Variants in AKR1C2 observed in about 807,000 individuals in gnomAD.
AKR1C2 encodes 3-alpha-HSD3.
AKR1C2 carries 27 observed loss-of-function variants against 39.8 expected under a neutral mutation model. The observed-to-expected ratio is 0.68, with a 90% CI of 0.50 to 0.93. AKR1C2 has a LOEUF of 0.93. Among genes scored for constraint, AKR1C2 ranks in the 40% least tolerant of loss-of-function variants. AKR1C2 has a pLI of 0.00. For synonymous variants in AKR1C2, 114 were observed against 137.9 expected (o/e 0.83, Z 1.22); for missense variants, 263 against 365.1 (o/e 0.72, Z 2.28).
intron 1 of AKR1C2, among the ~76,000 whole-genome samples, chr10:5,012,933 G>A (rs1837553034): frequency 6.6e-6 from 1 of 151,988 alleles, no homozygotes; most frequent in Non-Finnish European, 1.5e-5. Flanking sequence ...CTTCTCAATT[G>A]TCTGGTGTAT....
chr10:5,001,405 A>T (rs112758195), intron 2 of AKR1C2, 109 bp downstream of exon 2: 90 of 1,515,012 alleles, frequency 5.9e-5, no homozygotes, highest in Admixed American at 3.4e-4. Flanking sequence ...GAATAAATCG[A>T]AATAAATAAG....
rs1836723882 is a variant in AKR1C2 at position 4,988,176 on chromosome 10, ACACACTTG to A, written c.*1812_*1819del. On this transcript the variant is annotated 3_prime_UTR_variant, in exon 9 of 9. Coordinates refer to ENST00000380753, the MANE Select transcript of AKR1C2 (RefSeq NM_001393392.1). ...AAATATGAAAGTCTGCTTAAGCGTT[ACACACTTG>A]GCTACGAAGTTTTAACAAAATGTCA... The A allele has an allele frequency of 6.6e-6, 1 of 152,092 alleles. No individual in the cohort carries two copies. Among genetic ancestry groups the A allele is most frequent in the Non-Finnish European group, 1.5e-5 (1 of 68,008 alleles). The allele number at this position is 152,092 out of a possible 1,614,324, so 9.4% of individuals were successfully genotyped here.
rs1305495234 is a variant in AKR1C2 at position 4,988,569 on chromosome 10, G to T, written c.*1427C>A. On this transcript the variant is annotated 3_prime_UTR_variant, in exon 9 of 9. Transcript: ENST00000380753. ...GTTTATGGCCTCTTCCAATTTTATA[G>T]AATAAGTAATTTACAGAAAAATTGT... 2 of 152,150 alleles carry T rather than the reference G, an allele frequency of 1.3e-5. No homozygotes were observed. Among genetic ancestry groups the T allele is most frequent in the Admixed American group, 6.5e-5 (1 of 15,280 alleles). 9.4% of individuals were successfully genotyped at this position (152,150 alleles called of 1,614,324 possible).
chr10:5,005,401 G>A (rs2131713746), upstream of AKR1C2, among the ~76,000 whole-genome samples: 1 of 152,202 alleles, frequency 6.6e-6, no homozygotes, highest in East Asian at 1.9e-4. Flanking sequence ...AAGGCATACA[G>A]GCCAGGCACG....
At chr10:5,003,862 G>A (rs782788059), upstream of AKR1C2, 22 of 1,613,192 alleles carry the variant, frequency 1.4e-5, no homozygotes, top group Middle Eastern at 1.7e-4. Context: ...GTTAGCAAAT[G>A]TTTCTTCCTC....
chr10:5,001,784 G>A, intron 1 of AKR1C2, 103 bp from the exon 2 acceptor site: 3 of 1,455,872 alleles, frequency 2.1e-6, no homozygotes, highest in Non-Finnish European at 2.9e-6. Context: ...CTCCTTTCTT[G>A]GATGAGCTCT....
intron 2 of AKR1C2, among the ~76,000 whole-genome samples, chr10:5,001,012 C>A (rs1310496523): frequency 6.6e-6 from 1 of 152,190 alleles, no homozygotes; most frequent in Non-Finnish European, 1.5e-5. Flanking sequence ...ATGGGCAAGA[C>A]TAAGTATCTT....
At chr10:5,000,741 T>C (rs1837241760) in intron 2 of AKR1C2, 75 bp from the exon 3 acceptor site, 1 of 1,386,526 alleles carries the variant, frequency 7.2e-7, no homozygotes, top group African/African-American at 1.4e-5. Context: ...ACCTAATATT[T>C]AGACATTTTC....
chr10:5,001,639 C>G lies in AKR1C2; in HGVS notation c.127G>C (p.Glu43Gln). Reference sequence around the variant, plus strand: ...GAATCAATATGGTGGAACCCGGCTTCTATTGCCAATTTGACGGCCTCTAGA... The same window carrying G: ...GAATCAATATGGTGGAACCCGGCTTGTATTGCCAATTTGACGGCCTCTAGA... The part of the protein sequence containing the change: ...KALEAVKLAI[E>Q]AGFHHIDSAH... The change falls in exon 2 of 9, where the codon GAA (glutamate) becomes CAA (glutamine). Residue 43 changes from glutamate (E) to glutamine (Q), a missense_variant. Transcript: ENST00000380753. 1.2e-6 allele frequency: 2 copies of G among 1,613,972 alleles called. No individual in the cohort carries two copies. Among genetic ancestry groups the G allele is most frequent in the Non-Finnish European group, 1.7e-6 (2 of 1,179,842 alleles).
intron 1 of AKR1C2, among the ~76,000 whole-genome samples, chr10:5,009,561 AT>A (rs1837476860): frequency 6.6e-6 from 1 of 151,860 alleles, no homozygotes; most frequent in African/African-American, 2.4e-5. Context: ...ACTCCATGTG[AT>A]ATGGACAGGA....
intron 7 of AKR1C2, among the ~76,000 whole-genome samples, chr10:4,993,174 A>G (rs1215861418): frequency 1.3e-5 from 2 of 152,228 alleles, no homozygotes; most frequent in Non-Finnish European, 2.9e-5. Flanking sequence ...ATGATTCAAA[A>G]TTTTAAATAA....
In AKR1C2 at chr10:5,001,652, G is replaced by A; in HGVS notation, c.114C>T (p.Val38=). 1.9e-6 allele frequency: 3 copies of A among 1,613,912 alleles called. No individual in the cohort carries two copies. The highest frequency in any genetic ancestry group is 1.1e-5 in the South Asian group (1 of 91,062). Residue 38 remains valine, a synonymous_variant, in exon 2 of 9, where the codon GTC becomes GTT. Coordinates refer to ENST00000380753, the MANE Select transcript of AKR1C2 (RefSeq NM_001393392.1). ...EVPKSKALEA[V]KLAIEAGFHH... ...GGAACCCGGCTTCTATTGCCAATTT[G>A]ACGGCCTCTAGAGCTTTACTTTTAG...
chr10:4,992,890 C>T (rs1836889090), intron 7 of AKR1C2, among the ~76,000 whole-genome samples: 1 of 152,044 alleles, frequency 6.6e-6, no homozygotes, highest in African/African-American at 2.4e-5. Context: ...GTGGAGGTTG[C>T]AGTGAGCCGA....
intron 2 of AKR1C2, 31 bp from the exon 3 acceptor site, chr10:5,000,697 A>T: frequency 6.3e-7 from 1 of 1,593,566 alleles, no homozygotes; most frequent in Non-Finnish European, 8.5e-7. Context: ...AAGTTGTGTA[A>T]TGAAAACTTG....
At chr10:5,016,548 T>C (rs1397184221) in intron 1 of AKR1C2, among the ~76,000 whole-genome samples, 5 of 152,336 alleles carry the variant, frequency 3.3e-5, no homozygotes, top group Admixed American at 1.3e-4. Flanking sequence ...CAGCTCTACC[T>C]CTGTGGCTAT....
At chr10:5,014,859 C>G (rs1283399604) in intron 1 of AKR1C2, 2 of 152,232 alleles carry the variant, frequency 1.3e-5, no homozygotes, top group African/African-American at 4.8e-5. Flanking sequence ...CATGGGCTAT[C>G]ATGAAAGAAT....
chr10:5,007,108 A>C (rs1264808374), upstream of AKR1C2, among the ~76,000 whole-genome samples: 2 of 147,720 alleles, frequency 1.4e-5, no homozygotes, highest in African/African-American at 5.0e-5. Context: ...TAGTAAGACT[A>C]TGTGATGTAG....
chr10:5,002,865 T>G lies in AKR1C2; in HGVS notation c.84+887A>C, dbSNP rs1837313964. Among the ~76,000 whole-genome samples, 3 of 152,188 alleles carry G rather than the reference T, an allele frequency of 2.0e-5. No homozygotes were observed. The South Asian group carries it at 6.2e-4, about 32-fold the overall frequency. The stretch of plus-strand genomic sequence containing the variant: ...CAGTGGTATCCTCATCTTTACTTCC[T>G]CTCCATGCCAATTTATATTACAAAA... On this transcript the variant is annotated intron_variant, in intron 1 of 8. Transcript: ENST00000380753.
At chr10:4,994,630 G>A (rs1836967986) in intron 7 of AKR1C2, among the ~76,000 whole-genome samples, 2 of 151,806 alleles carry the variant, frequency 1.3e-5, no homozygotes, top group Admixed American at 1.3e-4. Context: ...ATGGGAGAGG[G>A]GGGCACTCAC....
Sources: allele counts gnomAD v4.1 joint callset (sites outside exome capture counted in the v4.1 genomes callset), GRCh38; gene constraint gnomAD v4.1.1; transcripts MANE v1.5; gene names NCBI Gene and HGNC (gene_info 2026-07-23, HGNC 2026-07-21).